ADAMTSL3: variants seen among roughly 807,000 people sequenced by gnomAD.
ADAMTSL3 encodes ADAMTS like 3, also known as ADAMTS-like protein 3.
ADAMTSL3 carries 128 observed loss-of-function variants against 201.7 expected under a neutral mutation model. The observed-to-expected ratio is 0.63, with a 90% CI of 0.55 to 0.73. ADAMTSL3 has a LOEUF of 0.73. ADAMTSL3 is among the 30% of genes least tolerant of loss of function. The probability of loss-of-function intolerance (pLI) is 0.00; values close to 1 mark genes in which losing one functional copy is unlikely to be tolerated. For synonymous variants in ADAMTSL3, 738 were observed against 748.4 expected (o/e 0.99, Z 0.23); for missense variants, 1,990 against 2,119.6 (o/e 0.94, Z 1.20).
intron 9 of ADAMTSL3, among the ~76,000 whole-genome samples, chr15:83,880,663 A>C (rs1282932182): frequency 6.6e-6 from 1 of 152,180 alleles, no homozygotes; most frequent in Non-Finnish European, 1.5e-5. Context: ...CCCATCTTAT[A>C]ATTTGATTTC....
intron 3 of ADAMTSL3, among the ~76,000 whole-genome samples, chr15:83,753,012 T>C (rs1348500043): frequency 6.6e-6 from 1 of 152,198 alleles, no homozygotes; most frequent in Non-Finnish European, 1.5e-5. Context: ...CTGCTTGCAA[T>C]CATGAGTTTT....
At chr15:83,823,916 CT>C (rs2063942382) in intron 6 of ADAMTSL3, among the ~76,000 whole-genome samples, 12 of 88,000 alleles carry the variant, frequency 1.4e-4, no homozygotes, top group African/African-American at 4.6e-4. Context: ...TCTTCTTCTT[CT>C]TCTTCTTCTT....
chr15:83,748,684 CAAAG>C (rs969120235), intron 3 of ADAMTSL3, among the ~76,000 whole-genome samples: 2 of 141,948 alleles, frequency 1.4e-5, no homozygotes, highest in African/African-American at 5.3e-5. Context: ...ACCACACACA[CAAAG>C]AAGCAAGGAA....
chr15:83,871,410 C>T (rs902174700), intron 9 of ADAMTSL3, among the ~76,000 whole-genome samples: 1 of 152,132 alleles, frequency 6.6e-6, no homozygotes, highest in Non-Finnish European at 1.5e-5. Context: ...TTAAATGCAC[C>T]ATATCCTAAA....
At chr15:84,018,671 G>C (rs967743516) in intron 25 of ADAMTSL3, among the ~76,000 whole-genome samples, 1 of 150,090 alleles carries the variant, frequency 6.7e-6, no homozygotes, top group African/African-American at 2.4e-5. Flanking sequence ...ATGTGACTAG[G>C]GTACAGTTGA....
At chr15:83,963,534 C>T (rs1214866282) in intron 19 of ADAMTSL3, among the ~76,000 whole-genome samples, 1 of 152,208 alleles carries the variant, frequency 6.6e-6, no homozygotes, top group East Asian at 1.9e-4. Flanking sequence ...AAACTCCCAT[C>T]TCCCTGGGAC....
At chr15:83,782,286 G>C (rs552115372) in intron 4 of ADAMTSL3, among the ~76,000 whole-genome samples, 1 of 152,120 alleles carries the variant, frequency 6.6e-6, no homozygotes, top group Non-Finnish European at 1.5e-5. Flanking sequence ...AGACCAGCCC[G>C]GCAAACATGG....
At chr15:83,868,055 G>A (rs903901676) in intron 8 of ADAMTSL3, among the ~76,000 whole-genome samples, 1 of 152,034 alleles carries the variant, frequency 6.6e-6, no homozygotes, top group African/African-American at 2.4e-5. Flanking sequence ...TCAATATTAA[G>A]TCTGGAGAGG....
At chr15:83,761,667 T>G (rs2062810284) in intron 3 of ADAMTSL3, among the ~76,000 whole-genome samples, 1 of 152,232 alleles carries the variant, frequency 6.6e-6, no homozygotes, top group Admixed American at 6.5e-5. Context: ...GATGTTGTGT[T>G]ATATATGCTT....
Position 83,753,323 on chromosome 15 carries a change from C to G in ADAMTSL3, c.190-20200C>G, listed in dbSNP as rs558214950. Among the ~76,000 whole-genome samples the G allele has an allele frequency of 2.0e-5, 3 of 152,278 alleles. No homozygotes were observed. The South Asian group carries it at 6.2e-4, about 32-fold the overall frequency. ...ATCTCAGGTGTGCAGAATTCTCTGT[C>G]CCAGTTTTCTCTTTTCACCTAGGGC... On this transcript the variant is annotated intron_variant, in intron 3 of 29. Coordinates refer to ENST00000286744, the MANE Select transcript of ADAMTSL3 (RefSeq NM_207517.3).
At chr15:83,773,393 A>G in intron 3 of ADAMTSL3, 130 bp from the exon 4 acceptor site, 1 of 1,021,630 alleles carries the variant, frequency 9.8e-7, no homozygotes, top group South Asian at 1.7e-5. Flanking sequence ...AATAAGATCG[A>G]AGCTCTGTCT....
intron 15 of ADAMTSL3, among the ~76,000 whole-genome samples, chr15:83,910,827 A>G (rs1255164204): frequency 2.0e-5 from 3 of 147,684 alleles, no homozygotes; most frequent in Non-Finnish European, 4.5e-5. Flanking sequence ...TTAAGTAGAG[A>G]CGGAGTTTCG....
At chr15:83,878,064 C>G (rs7169487) in intron 9 of ADAMTSL3, among the ~76,000 whole-genome samples, 4,173 of 152,226 alleles carry the variant, frequency 0.027, 172 homozygotes, top group African/African-American at 0.096. Context: ...CCCTGTAATT[C>G]ACCATTGTAT....
Position 83,804,524 on chromosome 15 carries a change from G to T in ADAMTSL3, c.318-126G>T, listed in dbSNP as rs1040073576. ...TAGAATTAAACTTTGAATCTTTGGG[G>T]TAATGTGCACTAGTAAAAGTTTTAC... On this transcript the variant is annotated intron_variant, in intron 4 of 29. Coordinates refer to ENST00000286744, the MANE Select transcript of ADAMTSL3 (RefSeq NM_207517.3). The T allele has an allele frequency of 4.7e-5, 29 of 620,350 alleles. No individual in the cohort carries two copies. In the African/African-American group the frequency reaches 5.6e-4, roughly 12 times the overall value. The allele number at this position is 620,350 out of a possible 1,614,324, so 38.4% of individuals were successfully genotyped here.
chr15:83,787,352 C>T (rs1373692308), intron 4 of ADAMTSL3, among the ~76,000 whole-genome samples: 1 of 152,072 alleles, frequency 6.6e-6, no homozygotes, highest in Non-Finnish European at 1.5e-5. Context: ...AAATTTAATA[C>T]ATTTTATTCC....
chr15:83,954,733 T>C (rs2066824190), intron 19 of ADAMTSL3, among the ~76,000 whole-genome samples: 1 of 152,212 alleles, frequency 6.6e-6, no homozygotes, highest in Non-Finnish European at 1.5e-5. Flanking sequence ...CATAGAGATA[T>C]CACTTTGGTG....
chr15:83,803,026 C>T (rs1289611641), intron 4 of ADAMTSL3, among the ~76,000 whole-genome samples: 3 of 152,014 alleles, frequency 2.0e-5, no homozygotes, highest in Non-Finnish European at 4.4e-5. Context: ...CAAAATAATG[C>T]TTGTATAATG....
rs2065965124 is a variant in ADAMTSL3, at chr15:83,913,179, A to G, written c.1788A>G (p.Thr596=). 1 of 1,614,014 alleles carries G rather than the reference A, an allele frequency of 6.2e-7. No individual in the cohort carries two copies. Among genetic ancestry groups the G allele is most frequent in the Non-Finnish European group, 8.5e-7 (1 of 1,180,024 alleles). The change falls in exon 16 of 30, where the codon ACA becomes ACG. Residue 596 remains threonine, a synonymous_variant. Transcript: ENST00000286744. ...AGGTGAAGTGCCGTGTGCTCCTCACATTCACGCAGACTGAGACTGAGCTGC... is the reference window on the plus strand; with the variant it reads ...AGGTGAAGTGCCGTGTGCTCCTCACGTTCACGCAGACTGAGACTGAGCTGC... The part of the protein sequence containing the change: ...VREVKCRVLL[T]FTQTETELPE...
intron 2 of ADAMTSL3, among the ~76,000 whole-genome samples, chr15:83,664,614 T>C (rs986371238): frequency 6.6e-6 from 1 of 152,206 alleles, no homozygotes; most frequent in African/African-American, 2.4e-5. Flanking sequence ...TGTTTCCTCC[T>C]CTCAGTTTCC....
Sources: allele counts gnomAD v4.1 joint callset (sites outside exome capture counted in the v4.1 genomes callset), GRCh38; gene constraint gnomAD v4.1.1; transcripts MANE v1.5; gene names NCBI Gene and HGNC (gene_info 2026-07-23, HGNC 2026-07-21).